The following KIF2C variants were observed in gnomAD, a reference collection of about 807,000 sequenced individuals.
The protein encoded by KIF2C is kinesin family member 2C, also known as kinesin-like protein KIF2C.
A neutral mutation model predicts 97.4 loss-of-function variants in KIF2C; 34 were observed. That is an observed-to-expected ratio of 0.35 (90% CI 0.27 to 0.46). KIF2C has a LOEUF of 0.46. Ranked by LOEUF, KIF2C falls within the 20% of genes least tolerant of loss-of-function variation. The pLI, the probability that KIF2C is intolerant of heterozygous loss-of-function variation, is 1.00. For missense variants in KIF2C, 750 were observed against 907.6 expected, an observed-to-expected ratio of 0.83 and a Z score of 2.23; for synonymous variants, 313 against 318.2, an observed-to-expected ratio of 0.98 and a Z score of 0.17.
Position 44,767,080 on chromosome 1 carries a change from G to T in KIF2C, c.2096-17G>T. 6.2e-7 allele frequency: 1 copy of T among 1,613,404 alleles called. No homozygotes were observed. Among genetic ancestry groups the T allele is most frequent in the Non-Finnish European group, 8.5e-7 (1 of 1,179,480 alleles). On this transcript the variant is annotated splice_polypyrimidine_tract_variant and intron_variant, in intron 20 of 20. Coordinates refer to ENST00000372224, the MANE Select transcript of KIF2C (RefSeq NM_006845.4). ...GACTCTCACTAACCCCATATGTACC[G>T]CTACCCTTTCTTCCAGATGTCATCA...
intron 2 of KIF2C, among the ~76,000 whole-genome samples, chr1:44,744,297 AG>A (rs1442142509): frequency 1.3e-5 from 2 of 152,080 alleles, no homozygotes; most frequent in African/African-American, 4.8e-5. Context: ...TAGTAGAGAC[AG>A]GGTTTCCCCA....
intron 13 of KIF2C, 89 bp from the exon 14 acceptor site, chr1:44,759,117 T>C (rs1411039208): frequency 1.3e-6 from 2 of 1,541,030 alleles, no homozygotes; most frequent in African/African-American, 2.7e-5. Flanking sequence ...CTGGCTCTTG[T>C]CCGAGCTGGG....
chr1:44,754,853 C>T lies in KIF2C; in HGVS notation c.759+8C>T, dbSNP rs766070497. 3 of 1,518,910 alleles carry T rather than the reference C, an allele frequency of 2.0e-6. No individual in the cohort carries two copies. Among genetic ancestry groups the T allele is most frequent in the East Asian group, 2.3e-5 (1 of 44,418 alleles). The allele number at this position is 1,518,910 out of a possible 1,614,324, so 94.1% of individuals were successfully genotyped here. A position where few individuals can be genotyped will look rare whatever the true frequency, so the allele number is the denominator to read the frequency against. On this transcript the variant is annotated splice_region_variant and intron_variant, in intron 8 of 20. Coordinates refer to ENST00000372224, the MANE Select transcript of KIF2C (RefSeq NM_006845.4). ...CTTACTATGACTGATCCTGTAAGTA[C>T]ATCCAAAGAACTTCTCTTTCTTAAG... is the stretch of plus-strand genomic sequence containing the variant.
At chr1:44,741,877 C>T (rs936026662) in intron 2 of KIF2C, among the ~76,000 whole-genome samples, 1 of 151,464 alleles carries the variant, frequency 6.6e-6, no homozygotes, top group Non-Finnish European at 1.5e-5. Flanking sequence ...CCTGTGGTCC[C>T]AGCTGCTCTG....
At chr1:44,742,059 C>T (rs1199945133) in intron 2 of KIF2C, among the ~76,000 whole-genome samples, 1 of 146,520 alleles carries the variant, frequency 6.8e-6, no homozygotes, top group Non-Finnish European at 1.5e-5. Flanking sequence ...TTTATTTAGT[C>T]AGGTCCATTC....
intron 17 of KIF2C, 168 bp downstream of exon 17, chr1:44,762,151 C>CTG: frequency 1.2e-6 from 1 of 834,230 alleles, no homozygotes. Context: ...TCCCAATCCT[C>CTG]TCCGGGCCCT....
intron 4 of KIF2C, among the ~76,000 whole-genome samples, chr1:44,749,207 TG>T (rs1272317935): frequency 6.6e-6 from 1 of 151,004 alleles, no homozygotes; most frequent in Non-Finnish European, 1.5e-5. Flanking sequence ...CCAAGGCGGG[TG>T]GATCACCTGA....
intron 2 of KIF2C, 50 bp from the exon 3 acceptor site, chr1:44,747,334 T>G (rs1481080415): frequency 1.4e-6 from 2 of 1,416,340 alleles, no homozygotes; most frequent in African/African-American, 1.5e-5. Context: ...AAAAAATGTA[T>G]TTGGATTGAA....
In KIF2C at chr1:44,757,009, C is replaced by A. The variant is rs922997021; in HGVS notation, c.978-547C>A. 3.9e-5 allele frequency among the ~76,000 whole-genome samples: 6 copies of A among 152,188 alleles called. No individual in the cohort carries two copies. The South Asian group carries it at 8.3e-4, about 21-fold the overall frequency. ...CTCAGCTCACTGCAACCCCCGCCTC[C>A]CAGGTTCAAGCAATTCTCCTGCCCC... On this transcript the variant is annotated intron_variant, in intron 10 of 20. Coordinates refer to ENST00000372224, the MANE Select transcript of KIF2C (RefSeq NM_006845.4).
At chr1:44,766,771 CAGG>C in intron 19 of KIF2C, 52 bp from the exon 20 acceptor site, 1 of 1,597,022 alleles carries the variant, frequency 6.3e-7, no homozygotes, top group African/African-American at 1.3e-5. Context: ...GGTAGGACCC[CAGG>C]AATGATTTGC....
intron 10 of KIF2C, 104 bp downstream of exon 10, chr1:44,756,341 C>T: frequency 8.4e-7 from 1 of 1,185,928 alleles, no homozygotes; most frequent in East Asian, 2.3e-5. Context: ...TTCTGAGGCT[C>T]TTCCTCGCTT....
Position 44,739,972 on chromosome 1 carries a change from G to C in KIF2C, c.40G>C (p.Gly14Arg). The part of the protein sequence containing the change: ...DSSLQARLFP[G>R]LAIKIQRSNG... Reference sequence around the variant, plus strand: ...GTCGCTTCAGGCCCGCCTGTTTCCCGGTCTCGCTATCAAGATCCAACGCAG... The same window carrying C: ...GTCGCTTCAGGCCCGCCTGTTTCCCCGTCTCGCTATCAAGATCCAACGCAG... Residue 14 changes from glycine to arginine, a missense_variant, in exon 1 of 21, where the codon GGT (glycine) becomes CGT (arginine). By Grantham distance (125) the Gly-to-Arg change is moderately radical. Coordinates refer to ENST00000372224, the MANE Select transcript of KIF2C (RefSeq NM_006845.4). The C allele has an allele frequency of 6.2e-7, 1 of 1,614,176 alleles. No homozygotes were observed.
At chr1:44,759,030 G>T (rs1170083894) in intron 13 of KIF2C, 176 bp from the exon 14 acceptor site, 1 of 727,332 alleles carries the variant, frequency 1.4e-6, no homozygotes, top group Non-Finnish European at 2.2e-6. Context: ...AACTGAGGCA[G>T]TTCGGCTCAG....
intron 6 of KIF2C, 65 bp from the exon 7 acceptor site, chr1:44,753,668 G>A: frequency 1.8e-6 from 2 of 1,121,642 alleles, no homozygotes; most frequent in South Asian, 2.9e-5. Flanking sequence ...GAGAAGAGTA[G>A]GCTGGCTTAA....
chr1:44,760,810 T>A lies in KIF2C; in HGVS notation c.1683+108T>A. On this transcript the variant is annotated intron_variant, in intron 16 of 20. Coordinates refer to ENST00000372224, the MANE Select transcript of KIF2C (RefSeq NM_006845.4). This position sits in a 1 kb window ranked among gnomAD's most constrained non-coding sequence, Gnocchi z 4.2. Reference sequence around the variant, plus strand: ...TGGAAGCTCAGCACTGCTGGCTGCCTGGGTTTCCAGGCTGTACCGTGACTG... The same window carrying A: ...TGGAAGCTCAGCACTGCTGGCTGCCAGGGTTTCCAGGCTGTACCGTGACTG... 1.1e-6 allele frequency: 1 copy of A among 896,214 alleles called. No individual in the cohort carries two copies. 55.5% of individuals were successfully genotyped at this position (896,214 alleles called of 1,614,324 possible).
In KIF2C at chr1:44,746,644, G is replaced by A; in HGVS notation, c.166-740G>A. On this transcript the variant is annotated intron_variant, in intron 2 of 20. Transcript: ENST00000372224. ...ATCAGCAGGGGAGCCAAGTGGCCTA[G>A]ATCTGCTGTGGAGTACCCGACTGTT... The A allele has an allele frequency of 2.6e-6, 4 of 1,534,600 alleles. No individual in the cohort carries two copies. In the South Asian group the frequency reaches 5.0e-5, roughly 19 times the overall value.
intron 2 of KIF2C, among the ~76,000 whole-genome samples, chr1:44,746,068 G>A (rs1031216449): frequency 1.3e-5 from 2 of 151,564 alleles, no homozygotes; most frequent in Non-Finnish European, 2.9e-5. Flanking sequence ...GTAGAGACAG[G>A]GGTTTCACCG....
At chr1:44,746,600 G>A in intron 2 of KIF2C, 6 of 1,432,870 alleles carry the variant, frequency 4.2e-6, no homozygotes, top group Non-Finnish European at 5.5e-6. Flanking sequence ...GTGCCCAGCA[G>A]GACCTCACTG....
chr1:44,765,703 C>T (rs1019032484), intron 19 of KIF2C, among the ~76,000 whole-genome samples: 6 of 152,202 alleles, frequency 3.9e-5, no homozygotes, highest in South Asian at 4.2e-4. Flanking sequence ...GGTGTGGTGG[C>T]GCGTACCTGT....
Sources: gnomAD v4.1 joint callset for allele counts (sites outside exome capture counted in the v4.1 genomes callset) on GRCh38, gnomAD v4.1.1 for gene constraint, Gnocchi (gnomAD v3.1) non-coding constraint, MANE v1.5 for transcripts, NCBI Gene and HGNC (gene_info 2026-07-23, HGNC 2026-07-21) for gene names.